The following WDR72 variants were observed in gnomAD, a reference collection of about 807,000 sequenced individuals.
The protein encoded by WDR72 is WD repeat-containing protein 72.
A neutral mutation model predicts 124.2 loss-of-function variants in WDR72; 120 were observed. The ratio of observed to expected loss-of-function variants is 0.97; its 90% CI spans 0.83 to 1.12. The LOEUF is 1.12. WDR72 is among the 50% of genes most tolerant of loss of function. WDR72 has a pLI of 0.00. For synonymous variants in WDR72, 452 were observed against 441.7 expected (o/e 1.02, Z -0.29); for missense variants, 1,387 against 1,278.8 (o/e 1.08, Z -1.29).
intron 14 of WDR72, among the ~76,000 whole-genome samples, chr15:53,621,458 T>TATATA (rs397944441): frequency 8.3e-5 from 12 of 145,008 alleles, no homozygotes; most frequent in African/African-American, 2.3e-4. Flanking sequence ...TATATATATA[T>TATATA]GATAGAGTAC....
intron 13 of WDR72, among the ~76,000 whole-genome samples, chr15:53,680,803 T>C (rs2016354698): frequency 6.6e-6 from 1 of 152,182 alleles, no homozygotes; most frequent in African/African-American, 2.4e-5. Flanking sequence ...AGCAGGTCCT[T>C]TGTCTACTCA....
At position 53,527,172 on chromosome 15, in the gene WDR72, G is replaced by GAGAT. The variant is rs1280838729; in HGVS notation, c.3149-3854_3149-3851dup. ...AAGAACACTGTAAGAGGAAATTCAG[G>GAGAT]AGATAGTATGAGGAAGACTCTATAG... is the stretch of plus-strand genomic sequence containing the variant. On this transcript the variant is annotated intron_variant, in intron 18 of 19. Coordinates refer to ENST00000360509, the MANE Select transcript of WDR72 (RefSeq NM_182758.4). Among the ~76,000 whole-genome samples the GAGAT allele has an allele frequency of 3.3e-5, 5 of 152,060 alleles. No individual in the cohort carries two copies. The East Asian group carries it at 9.7e-4, about 29-fold the overall frequency.
At chr15:53,519,569 A>G (rs1891667397) in intron 19 of WDR72, among the ~76,000 whole-genome samples, 1 of 152,104 alleles carries the variant, frequency 6.6e-6, no homozygotes, top group African/African-American at 2.4e-5. Flanking sequence ...ACTCTTTGCT[A>G]ATGAATTATT....
At chr15:53,756,137 C>A (rs1243271491) in intron 1 of WDR72, among the ~76,000 whole-genome samples, 2 of 152,206 alleles carry the variant, frequency 1.3e-5, no homozygotes, top group Non-Finnish European at 2.9e-5. Context: ...TTCCCATAAT[C>A]CCCACATGTG....
intron 1 of WDR72, among the ~76,000 whole-genome samples, chr15:53,737,203 C>T (rs1011364607): frequency 7.9e-5 from 12 of 152,088 alleles, no homozygotes; most frequent in African/African-American, 2.7e-4. Flanking sequence ...ACACAAGATG[C>T]TACTGGACTA....
chr15:53,658,334 T>G (rs1229022553), intron 14 of WDR72, among the ~76,000 whole-genome samples: 1 of 152,176 alleles, frequency 6.6e-6, no homozygotes, highest in East Asian at 1.9e-4. Flanking sequence ...AATCAAAAAA[T>G]AGCCCTGTGT....
chr15:53,577,279 G>T (rs1220359874), intron 18 of WDR72, among the ~76,000 whole-genome samples: 1 of 152,136 alleles, frequency 6.6e-6, no homozygotes, highest in East Asian at 1.9e-4. Context: ...GCTCATTTAA[G>T]ATATTTGATA....
At chr15:53,517,859 A>C in intron 19 of WDR72, 105 bp from the exon 20 acceptor site, 1 of 1,055,086 alleles carries the variant, frequency 9.5e-7, no homozygotes, top group East Asian at 2.4e-5. Flanking sequence ...GAATAGATAC[A>C]GAAAGGAAGA....
At chr15:53,674,873 C>A (rs2140467554) in intron 13 of WDR72, among the ~76,000 whole-genome samples, 1 of 152,102 alleles carries the variant, frequency 6.6e-6, no homozygotes, top group South Asian at 2.1e-4. Context: ...CACATTCAAC[C>A]CTCACGTCTA....
intron 14 of WDR72, among the ~76,000 whole-genome samples, chr15:53,657,075 T>C (rs1294929097): frequency 2.6e-5 from 4 of 151,620 alleles, no homozygotes; most frequent in South Asian, 2.1e-4. Flanking sequence ...CCATCCTGGC[T>C]AACACAGTGA....
chr15:53,645,024 T>C (rs2140417916), intron 14 of WDR72, among the ~76,000 whole-genome samples: 1 of 152,256 alleles, frequency 6.6e-6, no homozygotes, highest in South Asian at 2.1e-4. Context: ...TGGTAATAAA[T>C]TACTATATTG....
intron 18 of WDR72, among the ~76,000 whole-genome samples, chr15:53,577,993 C>G (rs2140313713): frequency 6.6e-6 from 1 of 152,266 alleles, no homozygotes; most frequent in African/African-American, 2.4e-5. Context: ...CAGTGGGTAT[C>G]TGCTTTCAAA....
intron 18 of WDR72, among the ~76,000 whole-genome samples, chr15:53,560,329 T>C (rs1012853103): frequency 1.3e-5 from 2 of 151,830 alleles, no homozygotes; most frequent in Admixed American, 6.6e-5. Context: ...CATCTTCACA[T>C]TAAAAAACAA....
At chr15:53,588,628 C>T (rs1467596346) in intron 18 of WDR72, among the ~76,000 whole-genome samples, 1 of 151,942 alleles carries the variant, frequency 6.6e-6, no homozygotes, top group Admixed American at 6.6e-5. Context: ...GATAATTTTT[C>T]CTTCAGCCAC....
chr15:53,522,363 G>C (rs1891851441), intron 19 of WDR72, among the ~76,000 whole-genome samples: 1 of 151,982 alleles, frequency 6.6e-6, no homozygotes, highest in African/African-American at 2.4e-5. Context: ...ACAAAGATGT[G>C]AGAGGGTAGA....
intron 1 of WDR72, among the ~76,000 whole-genome samples, chr15:53,745,141 T>C (rs527501635): frequency 1.6e-4 from 24 of 151,212 alleles, no homozygotes; most frequent in African/African-American, 5.9e-4. Flanking sequence ...GCCTCAGTTT[T>C]CTTATCTATA....
intron 14 of WDR72, among the ~76,000 whole-genome samples, chr15:53,630,335 T>C (rs879893216): frequency 1.3e-5 from 2 of 152,140 alleles, no homozygotes; most frequent in Non-Finnish European, 2.9e-5. Context: ...ATAGAAGTGG[T>C]GCGAGAACAC....
chr15:53,523,360 A>G (rs1347863626), intron 18 of WDR72, 38 bp from the exon 19 acceptor site: 1 of 1,491,356 alleles, frequency 6.7e-7, no homozygotes, highest in East Asian at 2.3e-5. Flanking sequence ...GAGACAGAAG[A>G]GAGAGGATGA....
rs186026294 is a variant in WDR72 at position 53,729,015 on chromosome 15, C to G, written c.153+3982G>C. 3.7e-4 allele frequency among the ~76,000 whole-genome samples: 56 copies of G among 152,226 alleles called. 2 individuals carry two copies. In the East Asian group the frequency reaches 0.011, roughly 29 times the overall value. On this transcript the variant is annotated intron_variant, in intron 2 of 19. Transcript: ENST00000360509. ...CACTCTGAGACGTGCAGAACTTACA[C>G]CACCTTTTTTCCTTCCCTATTCCTA...
Sources: gnomAD v4.1 joint callset for allele counts (sites outside exome capture counted in the v4.1 genomes callset) on GRCh38, gnomAD v4.1.1 for gene constraint, MANE v1.5 for transcripts, NCBI Gene and HGNC (gene_info 2026-07-23, HGNC 2026-07-21) for gene names.